HMCN1: variants seen among roughly 807,000 people sequenced by gnomAD.
HMCN1 encodes the protein hemicentin 1, also known as hemicentin-1.
HMCN1 carries 321 observed loss-of-function variants against 625.9 expected under a neutral mutation model. The observed-to-expected ratio is 0.51, with a 90% confidence interval of 0.47 to 0.56. The LOEUF (loss-of-function observed/expected upper bound fraction) is 0.56. HMCN1 is among the 20% of genes least tolerant of loss of function. HMCN1 has a pLI of 0.00. For missense variants in HMCN1, 6,588 were observed against 6,887.3 expected, an observed-to-expected ratio of 0.96 and a Z score of 1.54; for synonymous variants, 2,425 against 2,417.6, an observed-to-expected ratio of 1.00 and a Z score of -0.09.
At chr1:186,008,280 C>T (rs1282361934) in intron 30 of HMCN1, among the ~76,000 whole-genome samples, 1 of 152,038 alleles carries the variant, frequency 6.6e-6, no homozygotes, top group Non-Finnish European at 1.5e-5. Flanking sequence ...TCACTAGCCA[C>T]GTGAGGCTAT....
chr1:185,864,500 G>A lies in HMCN1; in HGVS notation c.370G>A (p.Gly124Arg), dbSNP rs779884302. The A allele has an allele frequency of 1.2e-6, 2 of 1,613,932 alleles. No individual in the cohort carries two copies. Among genetic ancestry groups the A allele is most frequent in the East Asian group, 4.5e-5 (2 of 44,856 alleles). ...GGGDCPEMSI[G>R]AIKIALEISL... ...TGGTGATTGCCCAGAAATGAGTATT[G>A]GAGCTATAAAAATTGCCTTGGAAAT... The change falls in exon 3 of 107, where the codon GGA becomes AGA. Residue 124 changes from glycine to arginine, a missense_variant. This residue lies in a region of HMCN1 where 4,628 missense variants were observed against 4,853.1 expected (regional missense o/e 0.95). Transcript: ENST00000271588.
intron 11 of HMCN1, among the ~76,000 whole-genome samples, chr1:185,946,778 A>G (rs1668366434): frequency 6.6e-6 from 1 of 152,236 alleles, no homozygotes; most frequent in Non-Finnish European, 1.5e-5. Context: ...AAGTGGAAAC[A>G]TTGTTGACAT....
Position 186,189,631 on chromosome 1 carries a change from T to G in HMCN1, c.16661T>G (p.Leu5554Arg). The change falls in exon 107 of 107, where the codon CTG becomes CGG. Residue 5554 changes from leucine to arginine, a missense_variant. Physicochemically the swap from Leu to Arg is moderately radical, Grantham distance 102. Coordinates refer to ENST00000271588, the MANE Select transcript of HMCN1 (RefSeq NM_031935.3). ...GCCACCAATCAAGATTTAATCCGGC[T>G]GGTTGCATACACACAGGATGGAGTG... ...GIATNQDLIR[L>R]VAYTQDGVMH... 1 of 1,613,078 alleles carries G rather than the reference T, an allele frequency of 6.2e-7. No individual in the cohort carries two copies.
At chr1:186,112,189 A>AT (rs1022833309) in intron 71 of HMCN1, among the ~76,000 whole-genome samples, 1 of 151,994 alleles carries the variant, frequency 6.6e-6, no homozygotes, top group African/African-American at 2.4e-5. Flanking sequence ...TTATTTGCTT[A>AT]TTTTTTTTAA....
rs1375423371 is a variant in HMCN1, at chr1:186,114,865, G to A, written c.11323G>A (p.Val3775Ile). The change falls in exon 74 of 107, where the codon GTC (valine) becomes ATC (isoleucine). Residue 3775 changes from valine to isoleucine, a missense_variant. This residue lies in a region of HMCN1 where 4,628 missense variants were observed against 4,853.1 expected (regional missense o/e 0.95). Transcript: ENST00000271588. Reference sequence around the variant, plus strand: ...ATTCCTTCATATTCAATCAGCACATGTCACTGACACTGGACGGTATTTGTG... The same window carrying A: ...ATTCCTTCATATTCAATCAGCACATATCACTGACACTGGACGGTATTTGTG... ...NGFLHIQSAH[V>I]TDTGRYLCMA... The A allele has an allele frequency of 5.6e-6, 9 of 1,614,092 alleles. No individual in the cohort carries two copies. The highest frequency in any genetic ancestry group is 7.6e-6 in the Non-Finnish European group (9 of 1,179,948).
At chr1:186,058,210 G>A (rs528634949) in intron 46 of HMCN1, among the ~76,000 whole-genome samples, 2 of 151,896 alleles carry the variant, frequency 1.3e-5, no homozygotes, top group South Asian at 2.1e-4. Flanking sequence ...TTGCACTTAC[G>A]GTCAAACCAG....
At chr1:186,117,697 T>C in intron 77 of HMCN1, 74 bp downstream of exon 77, 4 of 1,397,650 alleles carry the variant, frequency 2.9e-6, no homozygotes, top group Non-Finnish European at 4.1e-6. Flanking sequence ...CTGGCCTTTG[T>C]TGCACCAGAA....
intron 1 of HMCN1, among the ~76,000 whole-genome samples, chr1:185,807,398 C>T (rs1247537267): frequency 6.6e-6 from 1 of 152,116 alleles, no homozygotes; most frequent in East Asian, 1.9e-4. Context: ...CAGAATAAAT[C>T]TGATTGAGGA....
chr1:186,076,692 G>T, intron 54 of HMCN1, 70 bp downstream of exon 54: 1 of 1,453,248 alleles, frequency 6.9e-7, no homozygotes, highest in East Asian at 2.3e-5. Context: ...TGTATTAGAC[G>T]AATTGAATTG....
chr1:185,937,926 A>ATAG (rs2102504903), intron 11 of HMCN1, among the ~76,000 whole-genome samples: 1 of 144,490 alleles, frequency 6.9e-6, no homozygotes, highest in East Asian at 2.0e-4. Context: ...AATAATAGTA[A>ATAG]TAATAATAAG....
Position 185,959,301 on chromosome 1 carries a change from G to A in HMCN1, c.1829-3217G>A, listed in dbSNP as rs1649846253. Among the ~76,000 whole-genome samples, 6 of 152,252 alleles carry A rather than the reference G, an allele frequency of 3.9e-5. No individual in the cohort carries two copies. In the South Asian group the frequency reaches 1.2e-3, roughly 32 times the overall value. ...TGTGTCTCCTGAGCTTGAAGATAGT[G>A]TTGGCAGTTTCCAAGAGTTAGGTGA... On this transcript the variant is annotated intron_variant, in intron 11 of 106. Transcript: ENST00000271588.
Position 186,017,088 on chromosome 1 carries a change from G to T in HMCN1, c.5300+17G>T. 1 of 1,352,180 alleles carries T rather than the reference G, an allele frequency of 7.4e-7. No individual in the cohort carries two copies. The highest frequency in any genetic ancestry group is 1.1e-6 in the Non-Finnish European group (1 of 941,354). The allele number at this position is 1,352,180 out of a possible 1,614,324, so 83.8% of individuals were successfully genotyped here. On this transcript the variant is annotated intron_variant, in intron 33 of 106. Transcript: ENST00000271588. ...AACTATCATGTAAGGGTTTTGGTAT[G>T]TCTTCTAAATACCTCCTGCTTTTTG...
At chr1:186,043,487 A>C (rs1656347096) in intron 40 of HMCN1, among the ~76,000 whole-genome samples, 1 of 152,148 alleles carries the variant, frequency 6.6e-6, no homozygotes, top group African/African-American at 2.4e-5. Context: ...GATTCAACTC[A>C]TTTAATGTAA....
chr1:186,177,303 C>CAAAA (rs58160762), intron 103 of HMCN1: 2 of 124,028 alleles, frequency 1.6e-5, no homozygotes, highest in Non-Finnish European at 3.4e-5. Context: ...AACTCCATCT[C>CAAAA]AAAAAAAAAA....
chr1:185,888,154 T>C (rs2102404922), intron 4 of HMCN1, among the ~76,000 whole-genome samples: 1 of 119,786 alleles, frequency 8.3e-6, no homozygotes, highest in East Asian at 2.2e-4. Context: ...TTGATGGGGT[T>C]GTTTGTTTTT....
In HMCN1 at chr1:186,178,604, G is replaced by A. The variant is rs765089834; in HGVS notation, c.16132G>A (p.Val5378Met). Residue 5378 changes from valine to methionine, a missense_variant, in exon 104 of 107, where the codon GTG becomes ATG. Transcript: ENST00000271588. ...SSYNLARFSPVRNNYQPQQHY... is the reference protein window; with the variant it reads ...SSYNLARFSPMRNNYQPQQHY... ...CTATAACCTTGCACGGTTCTCCCCT[G>A]TGAGAAACAACTATCAACCTCAACA... 14 of 1,613,998 alleles carry A rather than the reference G, an allele frequency of 8.7e-6. No homozygotes were observed. In the South Asian group the frequency reaches 1.5e-4, roughly 18 times the overall value.
intron 100 of HMCN1, 79 bp from the exon 101 acceptor site, chr1:186,171,258 G>A (rs903837475): frequency 9.7e-7 from 1 of 1,029,054 alleles, no homozygotes; most frequent in South Asian, 1.3e-5. Context: ...TAATGATCAA[G>A]ATCATTAAAA....
intron 1 of HMCN1, among the ~76,000 whole-genome samples, chr1:185,770,046 G>T (rs1428172100): frequency 6.6e-6 from 1 of 152,166 alleles, no homozygotes; most frequent in Non-Finnish European, 1.5e-5. Context: ...TTACATTTCA[G>T]AGGGTATGCA....
At chr1:186,102,883 T>C (rs1660446496) in intron 68 of HMCN1, among the ~76,000 whole-genome samples, 1 of 152,162 alleles carries the variant, frequency 6.6e-6, no homozygotes, top group Non-Finnish European at 1.5e-5. Flanking sequence ...TTGTTTGACC[T>C]TCTCTTGAGA....
Sources: allele counts gnomAD v4.1 joint callset (sites outside exome capture counted in the v4.1 genomes callset), GRCh38; gene constraint gnomAD v4.1.1; regional missense constraint gnomAD v4.1.1; transcripts MANE v1.5; gene names NCBI Gene and HGNC (gene_info 2026-07-23, HGNC 2026-07-21).